The following AMZ1 variants were observed in gnomAD, a reference collection of about 807,000 sequenced individuals.
AMZ1 encodes the protein archaemetzincin-1.
Under a neutral mutation model 29.9 loss-of-function variants are expected in AMZ1, and 39 were observed. The ratio of observed to expected loss-of-function variants is 1.30; its 90% CI spans 1.01 to 1.70. The LOEUF is 1.70. Among genes scored for constraint, AMZ1 ranks in the 40% most tolerant of loss-of-function variants. The pLI, the probability that AMZ1 is intolerant of heterozygous loss-of-function variation, is 0.00. For missense variants in AMZ1, 1,041 were observed against 680.6 expected (o/e 1.53, Z -5.89); for synonymous variants, 458 against 304.0 (o/e 1.51, Z -5.27).
intron 4 of AMZ1, among the ~76,000 whole-genome samples, chr7:2,748,294 A>T (rs1384643837): frequency 6.6e-6 from 1 of 152,214 alleles, no homozygotes; most frequent in East Asian, 1.9e-4. Context: ...ACAGCATGGT[A>T]CTGGTACCAA....
At chr7:2,724,103 G>T (rs369921014), downstream of AMZ1, among the ~76,000 whole-genome samples, 6 of 150,986 alleles carry the variant, frequency 4.0e-5, no homozygotes, top group Non-Finnish European at 7.4e-5. Flanking sequence ...GATGGGGAGT[G>T]GGGGGGCGGG....
chr7:2,735,413 C>T (rs1342876442), intron 4 of AMZ1, among the ~76,000 whole-genome samples: 2 of 152,142 alleles, frequency 1.3e-5, no homozygotes, highest in African/African-American at 2.4e-5. Flanking sequence ...GGCACAGATG[C>T]CCCAGCCAGT....
At chr7:2,735,669 G>T (rs1790134020) in intron 4 of AMZ1, among the ~76,000 whole-genome samples, 1 of 152,174 alleles carries the variant, frequency 6.6e-6, no homozygotes, top group Admixed American at 6.5e-5. Flanking sequence ...AATGAGGATG[G>T]CTCATTTAAC....
intron 6 of AMZ1, 73 bp downstream of exon 6, chr7:2,709,889 T>A: frequency 7.0e-6 from 11 of 1,570,602 alleles, no homozygotes; most frequent in Non-Finnish European, 9.5e-6. Context: ...GCCTGGAGGC[T>A]ACGCAGGGCA....
At chr7:2,693,756 C>T (rs940907647) in intron 1 of AMZ1, among the ~76,000 whole-genome samples, 3 of 152,144 alleles carry the variant, frequency 2.0e-5, no homozygotes, top group East Asian at 1.9e-4. Context: ...AGGGTTTCAC[C>T]GTGTTAGCCA....
intron 6 of AMZ1, 92 bp downstream of exon 6, chr7:2,709,908 G>T (rs566258952): frequency 6.6e-7 from 1 of 1,516,102 alleles, no homozygotes; most frequent in Non-Finnish European, 8.9e-7. Flanking sequence ...CATGGGGACC[G>T]CACACAGGCT....
At chr7:2,762,820 G>T, upstream of AMZ1, 1 of 1,523,448 alleles carries the variant, frequency 6.6e-7, no homozygotes, top group South Asian at 1.2e-5. Flanking sequence ...CCTCCCATCC[G>T]CCACACACCC....
chr7:2,721,810 G>C (rs1482442751), downstream of AMZ1, among the ~76,000 whole-genome samples: 1 of 151,886 alleles, frequency 6.6e-6, no homozygotes, highest in Non-Finnish European at 1.5e-5. Flanking sequence ...TAACACGCCA[G>C]GAAAACAGGT....
At chr7:2,701,855 GCATCCACCACCCCACAGCA>G (rs1788072959) in intron 2 of AMZ1, among the ~76,000 whole-genome samples, 1 of 152,184 alleles carries the variant, frequency 6.6e-6, no homozygotes, top group Non-Finnish European at 1.5e-5. Context: ...GTTGGTCTCA[GCATCCACCACCCCACAGCA>G]GCCAATCCAA....
intron 5 of AMZ1, 41 bp from the exon 6 acceptor site, chr7:2,709,599 G>A (rs756086131): frequency 6.3e-7 from 1 of 1,590,696 alleles, no homozygotes; most frequent in South Asian, 1.1e-5. Context: ...GGATGCAGGG[G>A]CAAGGCAGTG....
chr7:2,704,992 AT>A (rs1429416643), intron 3 of AMZ1, among the ~76,000 whole-genome samples: 1 of 152,168 alleles, frequency 6.6e-6, no homozygotes, highest in African/African-American at 2.4e-5. Flanking sequence ...CTGTCCGATG[AT>A]TACACTATCT....
intron 4 of AMZ1, among the ~76,000 whole-genome samples, chr7:2,749,005 G>A (rs1180427047): frequency 1.3e-5 from 2 of 152,174 alleles, no homozygotes; most frequent in Non-Finnish European, 2.9e-5. Flanking sequence ...AAAAAGTCAG[G>A]AAACAACAGG....
chr7:2,730,097 C>T (rs769628759), intron 4 of AMZ1: 1 of 152,372 alleles, frequency 6.6e-6, no homozygotes, highest in Non-Finnish European at 1.5e-5. Context: ...ACTCAAGATT[C>T]CTCCAGCGTC....
chr7:2,733,077 G>T (rs890846297), intron 4 of AMZ1, among the ~76,000 whole-genome samples: 1 of 152,162 alleles, frequency 6.6e-6, no homozygotes, highest in Non-Finnish European at 1.5e-5. Context: ...ATTTGCTCCC[G>T]GAGGCCGGGG....
chr7:2,726,301 G>A (rs191334724), intron 4 of AMZ1, among the ~76,000 whole-genome samples: 449 of 152,316 alleles, frequency 2.9e-3, no homozygotes, highest in Non-Finnish European at 2.7e-3. Context: ...CACGTTACAC[G>A]GTGAAATACA....
At chr7:2,701,665 G>A (rs1287804147) in intron 2 of AMZ1, among the ~76,000 whole-genome samples, 1 of 152,226 alleles carries the variant, frequency 6.6e-6, no homozygotes, top group Non-Finnish European at 1.5e-5. Flanking sequence ...CCTTGGGCTC[G>A]GAGAGGAGGA....
At position 2,731,352 on chromosome 7, in the gene AMZ1, C is replaced by T. The variant is rs749276287; in HGVS notation, n.550+21536C>T. ...ACTGGACCAGGTAGCGCTGGACGTC[C>T]TCCAGCCTGTGCGGGTCGCCCCTGA... On this transcript the variant is annotated intron_variant and non_coding_transcript_variant, in intron 4 of 4. Coordinates refer to the AMZ1 transcript ENST00000489665. The surrounding 1 kb of genome is among the most constrained non-coding windows in gnomAD (Gnocchi z 6.0). 16 of 1,613,958 alleles carry T rather than the reference C, an allele frequency of 9.9e-6. No individual in the cohort carries two copies. Among genetic ancestry groups the T allele is most frequent in the African/African-American group, 8.0e-5 (6 of 74,904 alleles).
chr7:2,700,821 G>T, intron 2 of AMZ1, 66 bp downstream of exon 2: 3 of 1,555,580 alleles, frequency 1.9e-6, no homozygotes, highest in Non-Finnish European at 2.6e-6. Context: ...ACAAGTGGGG[G>T]ATGTCTGTGC....
At position 2,712,563 on chromosome 7, in the gene AMZ1, G is replaced by A. The variant is rs760432039; in HGVS notation, c.1182G>A (p.Pro394=). The A allele has an allele frequency of 3.4e-5, 55 of 1,610,288 alleles. No individual in the cohort carries two copies. The highest frequency in any genetic ancestry group is 4.4e-5 in the Non-Finnish European group (52 of 1,178,640). Residue 394 remains proline (P), a synonymous_variant, in exon 7 of 7, where the codon CCG becomes CCA. Coordinates refer to ENST00000683327, the MANE Select transcript of AMZ1 (RefSeq NM_001384743.1). ...GCTACCTGGCAGCCTCAGAGGCTCC[G>A]CTGCCACCTGGGGGCCCTGCGGAGG... ...GLSYLAASEA[P]LPPGGPAEAI...
Sources: allele counts gnomAD v4.1 joint callset (sites outside exome capture counted in the v4.1 genomes callset), GRCh38; gene constraint gnomAD v4.1.1; non-coding constraint Gnocchi (gnomAD v3.1); transcripts MANE v1.5; gene names NCBI Gene and HGNC (gene_info 2026-07-23, HGNC 2026-07-21).